LPAR3: variants seen among roughly 807,000 people sequenced by gnomAD.
LPAR3 encodes the protein lysophosphatidic acid receptor 3.
Under a neutral mutation model 17.8 loss-of-function variants are expected in LPAR3, and 7 were observed. The ratio of observed to expected loss-of-function variants is 0.39; its 90% CI spans 0.22 to 0.74. LPAR3 has a LOEUF of 0.74. Ranked by LOEUF, LPAR3 falls within the 30% of genes least tolerant of loss-of-function variation. LPAR3 has a pLI of 0.40. For missense variants in LPAR3, 391 were observed against 453.4 expected (o/e 0.86, Z 1.25); for synonymous variants, 179 against 179.9 (o/e 0.99, Z 0.04).
At chr1:84,858,996 T>C (rs1413958731) in intron 2 of LPAR3, among the ~76,000 whole-genome samples, 1 of 152,194 alleles carries the variant, frequency 6.6e-6, no homozygotes, top group Non-Finnish European at 1.5e-5. Flanking sequence ...TCCCAACATC[T>C]GCAAAGGCTT....
intron 1 of LPAR3, among the ~76,000 whole-genome samples, chr1:84,890,071 G>A (rs1660525352): frequency 6.6e-6 from 1 of 152,146 alleles, no homozygotes; most frequent in African/African-American, 2.4e-5. Context: ...CTGCACTTAT[G>A]CAGATAGCTC....
chr1:84,829,697 T>C (rs1035910963), intron 2 of LPAR3, among the ~76,000 whole-genome samples: 1 of 152,052 alleles, frequency 6.6e-6, no homozygotes, highest in Non-Finnish European at 1.5e-5. Flanking sequence ...GACGAAAATA[T>C]GCATCCAGAA....
At chr1:84,838,247 G>A (rs1222954429) in intron 2 of LPAR3, among the ~76,000 whole-genome samples, 1 of 152,158 alleles carries the variant, frequency 6.6e-6, no homozygotes, top group Non-Finnish European at 1.5e-5. Context: ...TAGCCTCTGT[G>A]CATGAATGCT....
At chr1:84,833,844 C>T (rs1371873611) in intron 2 of LPAR3, among the ~76,000 whole-genome samples, 1 of 152,164 alleles carries the variant, frequency 6.6e-6, no homozygotes, top group Non-Finnish European at 1.5e-5. Flanking sequence ...ATCTGTCAGC[C>T]ATTCTTGCTG....
chr1:84,891,375 T>C (rs4311905), intron 1 of LPAR3, among the ~76,000 whole-genome samples: 1 of 152,106 alleles, frequency 6.6e-6, no homozygotes, highest in Non-Finnish European at 1.5e-5. Context: ...GGATAACTAG[T>C]TCCTTGCTGT....
At chr1:84,858,160 C>A (rs1227012957) in intron 2 of LPAR3, among the ~76,000 whole-genome samples, 1 of 152,060 alleles carries the variant, frequency 6.6e-6, no homozygotes, top group Non-Finnish European at 1.5e-5. Flanking sequence ...CCTTCAGAGA[C>A]CTCGGCTTCT....
Position 84,865,717 on chromosome 1 carries a change from C to T in LPAR3, c.404G>A (p.Arg135Gln), listed in dbSNP as rs200200122. ...VERHMSIMRM[R>Q]VHSNLTKKRV... is the part of the protein sequence containing the mutation. The stretch of plus-strand genomic sequence containing the variant: ...CTTTTTGGTCAGGTTGCTATGGACC[C>T]GCATCCTCATGATTGACATGTGCCT... Residue 135 changes from arginine (R) to glutamine (Q), a missense_variant, in exon 2 of 3, where the codon CGG becomes CAG. By Grantham distance (43) the Arg-to-Gln change is conservative. Coordinates refer to ENST00000370611, the MANE Select transcript of LPAR3 (RefSeq NM_012152.3). The T allele has an allele frequency of 3.7e-4, 601 of 1,614,028 alleles. 1 individual carries two copies. The highest frequency in any genetic ancestry group is 4.7e-4 in the Non-Finnish European group (549 of 1,180,038).
rs1187756554 is a variant in LPAR3 at position 84,879,316 on chromosome 1, C to CTTTTTTTTTTTTT, written c.-18-13191_-18-13179dup. Reference sequence around the variant, plus strand: ...TTTTCTTTCTTTTCTTTTCTTTTTTCTTTTTTTTTTTTTGAGATGGAATCT... The same window carrying CTTTTTTTTTTTTT: ...TTTTCTTTCTTTTCTTTTCTTTTTTCTTTTTTTTTTTTTTTTTTTTTTTTTTGAGATGGAATCT... On this transcript the variant is annotated intron_variant, in intron 1 of 2. Transcript: ENST00000370611. Among the ~76,000 whole-genome samples, 71 of 120,612 alleles carry CTTTTTTTTTTTTT rather than the reference C, an allele frequency of 5.9e-4. 3 individuals are homozygous for CTTTTTTTTTTTTT. Among genetic ancestry groups the CTTTTTTTTTTTTT allele is most frequent in the African/African-American group, 2.2e-3 (62 of 28,656 alleles). The allele number at this position is 120,612 out of a possible 152,430, so 79.1% of individuals were successfully genotyped here. A position where few individuals can be genotyped will look rare whatever the true frequency, so the allele number is the denominator to read the frequency against.
intron 2 of LPAR3, among the ~76,000 whole-genome samples, chr1:84,849,846 G>A (rs543461863): frequency 2.6e-5 from 4 of 152,150 alleles, no homozygotes; most frequent in Non-Finnish European, 5.9e-5. Context: ...ATGATCCCAG[G>A]AGAGCTAATT....
intron 1 of LPAR3, among the ~76,000 whole-genome samples, chr1:84,879,533 A>G (rs565471132): frequency 1.7e-3 from 252 of 151,914 alleles, no homozygotes; most frequent in African/African-American, 5.7e-3. Flanking sequence ...GGATGGTCTT[A>G]ATCTCCTGGC....
intron 1 of LPAR3, among the ~76,000 whole-genome samples, chr1:84,883,079 G>C (rs1660393661): frequency 6.6e-6 from 1 of 152,184 alleles, no homozygotes; most frequent in South Asian, 2.1e-4. Context: ...GAGAAATGGA[G>C]CCTCGATTTC....
intron 2 of LPAR3, among the ~76,000 whole-genome samples, chr1:84,845,350 G>A (rs1239913662): frequency 6.6e-6 from 1 of 152,208 alleles, no homozygotes; most frequent in Non-Finnish European, 1.5e-5. Context: ...GACTTTTACA[G>A]ATGAGGAAAC....
intron 2 of LPAR3, among the ~76,000 whole-genome samples, chr1:84,831,774 G>A (rs1010176863): frequency 2.0e-5 from 3 of 150,636 alleles, no homozygotes; most frequent in East Asian, 3.9e-4. Flanking sequence ...CAAAATTAGA[G>A]GAGAACCCCT....
chr1:84,836,000 C>A (rs1659396848), intron 2 of LPAR3, among the ~76,000 whole-genome samples: 2 of 146,134 alleles, frequency 1.4e-5, no homozygotes, highest in East Asian at 2.0e-4. Flanking sequence ...CCCCCCCAAC[C>A]CCGGCCTTTT....
At chr1:84,876,376 C>T (rs192308721) in intron 1 of LPAR3, among the ~76,000 whole-genome samples, 1 of 152,274 alleles carries the variant, frequency 6.6e-6, no homozygotes, top group African/African-American at 2.4e-5. Flanking sequence ...TGCTTTCCAG[C>T]TTCTGCCAAT....
chr1:84,866,561 C>T (rs960081459), intron 1 of LPAR3, among the ~76,000 whole-genome samples: 9 of 152,192 alleles, frequency 5.9e-5, no homozygotes, highest in African/African-American at 2.2e-4. Flanking sequence ...AATGACAACA[C>T]ATTATGTTAA....
chr1:84,817,261 TCA>T (rs71097861), intron 2 of LPAR3, among the ~76,000 whole-genome samples: 1,874 of 147,412 alleles, frequency 0.013, 19 homozygotes, highest in African/African-American at 0.031. Flanking sequence ...CCAGGATCTA[TCA>T]CACACACACA....
At chr1:84,827,139 A>G (rs929230532) in intron 2 of LPAR3, among the ~76,000 whole-genome samples, 1 of 152,256 alleles carries the variant, frequency 6.6e-6, no homozygotes, top group African/African-American at 2.4e-5. Context: ...AGTGGAACCA[A>G]TAAAAATCAA....
intron 1 of LPAR3, among the ~76,000 whole-genome samples, chr1:84,877,683 T>C (rs933710909): frequency 2.0e-5 from 3 of 152,172 alleles, no homozygotes; most frequent in Non-Finnish European, 4.4e-5. Context: ...GCTCCTAAAA[T>C]GGATTTTTAT....
Sources: gnomAD v4.1 joint callset for allele counts (sites outside exome capture counted in the v4.1 genomes callset) on GRCh38, gnomAD v4.1.1 for gene constraint, MANE v1.5 for transcripts, NCBI Gene and HGNC (gene_info 2026-07-23, HGNC 2026-07-21) for gene names.